Variants in FMN1 observed in about 807,000 individuals in gnomAD.
FMN1 encodes formin-1.
A neutral mutation model predicts 132.4 loss-of-function variants in FMN1; 110 were observed. That is an observed-to-expected ratio of 0.83 (90% CI 0.71 to 0.97). FMN1 has a LOEUF of 0.97. Among genes scored for constraint, FMN1 ranks in the 50% least tolerant of loss-of-function variants. FMN1 has a pLI of 0.00. For missense variants in FMN1, 1,792 were observed against 1,705.3 expected (o/e 1.05, Z -0.90); for synonymous variants, 722 against 651.7 (o/e 1.11, Z -1.64).
rs2140652021 is a variant in FMN1, at chr15:32,968,864, G to A, written c.2837C>T (p.Pro946Leu). ...PPNPGGPPPA[P>L]PPPGLAPPPP... ...TGGGGGTGCAAGTCCTGGGGGTGGT[G>A]GAGCAGGAGGAGGCCCTCCAGGGTT... is the stretch of plus-strand genomic sequence containing the variant. The change falls in exon 8 of 21, where the codon CCA becomes CTA. Residue 946 changes from proline to leucine, a missense_variant. By Grantham distance (98) the Pro-to-Leu change is moderately conservative (BLOSUM62 -3). Around this residue, in one of 3 missense-constraint regions of FMN1, gnomAD observed 1,150 missense variants for 1,043.1 expected, o/e 1.10. Transcript: ENST00000616417. 7.1e-7 allele frequency: 1 copy of A among 1,399,784 alleles called. No individual in the cohort carries two copies. The highest frequency in any genetic ancestry group is 1.4e-5 in the African/African-American group (1 of 69,036). The allele number at this position is 1,399,784 out of a possible 1,614,324, so 86.7% of individuals were successfully genotyped here. A position where few individuals can be genotyped will look rare whatever the true frequency, so the allele number is the denominator to read the frequency against.
Position 33,178,239 on chromosome 15 carries a change from A to C in FMN1, c.-132+1959T>G, listed in dbSNP as rs138564365. Reference sequence around the variant, plus strand: ...TTAGCTTAAATGAGACCCAGGACACAGTCACCGCTTCACTCCAGCACTTCC... The same window carrying C: ...TTAGCTTAAATGAGACCCAGGACACCGTCACCGCTTCACTCCAGCACTTCC... On this transcript the variant is annotated intron_variant, in intron 3 of 20. Coordinates refer to ENST00000616417, the MANE Select transcript of FMN1 (RefSeq NM_001277313.2). Among the ~76,000 whole-genome samples the C allele has an allele frequency of 1.4e-4, 21 of 152,354 alleles. No homozygotes were observed. In the East Asian group the frequency reaches 3.3e-3, roughly 24 times the overall value.
chr15:33,166,286 C>T (rs780239282), intron 3 of FMN1, among the ~76,000 whole-genome samples: 8 of 151,712 alleles, frequency 5.3e-5, no homozygotes, highest in South Asian at 4.2e-4. Flanking sequence ...CTGCTGTTTC[C>T]ACTACCCTAG....
At chr15:33,083,656 A>T (rs2038575973) in intron 5 of FMN1, among the ~76,000 whole-genome samples, 1 of 152,144 alleles carries the variant, frequency 6.6e-6, no homozygotes, top group East Asian at 1.9e-4. Context: ...CTTTGTAATA[A>T]ATTGGTAATG....
At chr15:32,930,424 T>G (rs1046889191) in intron 9 of FMN1, among the ~76,000 whole-genome samples, 5 of 152,004 alleles carry the variant, frequency 3.3e-5, no homozygotes, top group Admixed American at 6.6e-5. Flanking sequence ...TTTTTTTTTT[T>G]GACAGTGGCC....
rs574974495 is a variant in FMN1, at chr15:33,154,676, G to A, written c.239C>T (p.Thr80Met). The A allele has an allele frequency of 4.4e-5, 67 of 1,536,054 alleles. No homozygotes were observed. The East Asian group carries it at 7.8e-4, about 18-fold the overall frequency. ...PGDIFFKQTP[T>M]KDILTELYKL... ...GTACAGCTCAGTTAGAATGTCTTTC[G>A]TGGGAGTCTGCTTGAAAAATATGTC... Residue 80 changes from threonine (T) to methionine (M), a missense_variant, in exon 4 of 21, where the codon ACG becomes ATG. Coordinates refer to ENST00000616417, the MANE Select transcript of FMN1 (RefSeq NM_001277313.2).
chr15:32,912,735 G>A (rs1468492309), intron 10 of FMN1, among the ~76,000 whole-genome samples: 6 of 150,894 alleles, frequency 4.0e-5, no homozygotes, highest in Admixed American at 4.0e-4. Context: ...CACATTCAAG[G>A]TATAGAAAAA....
chr15:33,043,237 T>G (rs2036523416), intron 6 of FMN1, among the ~76,000 whole-genome samples: 2 of 152,320 alleles, frequency 1.3e-5, no homozygotes, highest in South Asian at 4.1e-4. Flanking sequence ...TAAAGCTGCC[T>G]CCTCCTTACG....
chr15:32,933,579 ATTGCTGTG>A (rs113179102), intron 9 of FMN1, among the ~76,000 whole-genome samples: 2,556 of 152,192 alleles, frequency 0.017, 80 homozygotes, highest in African/African-American at 0.059. Context: ...GAAATCTCCC[ATTGCTGTG>A]TTGCTGTGTA....
At chr15:33,002,133 T>C (rs1356911482) in intron 7 of FMN1, among the ~76,000 whole-genome samples, 1 of 152,228 alleles carries the variant, frequency 6.6e-6, no homozygotes, top group Non-Finnish European at 1.5e-5. Context: ...CAAAAAGACC[T>C]AAATGTGATA....
intron 10 of FMN1, among the ~76,000 whole-genome samples, chr15:32,925,062 A>G (rs2060924592): frequency 6.6e-6 from 1 of 152,252 alleles, no homozygotes; most frequent in African/African-American, 2.4e-5. Context: ...CTAATAAAAA[A>G]TATGTGCACA....
chr15:32,808,617 G>A (rs867848873), intron 17 of FMN1, among the ~76,000 whole-genome samples: 4 of 152,316 alleles, frequency 2.6e-5, no homozygotes, highest in Admixed American at 6.5e-5. Flanking sequence ...AGCCTTATCC[G>A]TAAAATGGGA....
intron 4 of FMN1, among the ~76,000 whole-genome samples, chr15:33,145,903 GT>G (rs1297078159): frequency 1.3e-5 from 2 of 151,602 alleles, no homozygotes; most frequent in Non-Finnish European, 2.9e-5. Flanking sequence ...AGACTTGAAC[GT>G]TTTAGAAAAA....
intron 3 of FMN1, among the ~76,000 whole-genome samples, chr15:33,165,094 G>A (rs1965043628): frequency 6.6e-6 from 1 of 152,180 alleles, no homozygotes; most frequent in Admixed American, 6.5e-5. Flanking sequence ...GTAGATAGGA[G>A]ATTCCTACTC....
At chr15:33,044,742 G>A (rs1424465545) in intron 6 of FMN1, among the ~76,000 whole-genome samples, 1 of 152,092 alleles carries the variant, frequency 6.6e-6, no homozygotes, top group Non-Finnish European at 1.5e-5. Flanking sequence ...ACACCCAAGG[G>A]TCTTCTCTCT....
At chr15:33,186,263 G>A (rs552847343) in intron 2 of FMN1, among the ~76,000 whole-genome samples, 1 of 151,506 alleles carries the variant, frequency 6.6e-6, no homozygotes, top group Admixed American at 6.6e-5. Context: ...TTCCAGAGCT[G>A]CAGTGAGTAT....
intron 17 of FMN1, among the ~76,000 whole-genome samples, chr15:32,811,520 CTTCA>C (rs758237912): frequency 6.0e-5 from 9 of 150,718 alleles, no homozygotes; most frequent in Non-Finnish European, 2.9e-5. Context: ...CTGAAGAGGT[CTTCA>C]GAGTCATAAA....
chr15:33,068,037 T>C (rs1229661303), intron 5 of FMN1: 1 of 1,435,700 alleles, frequency 7.0e-7, no homozygotes, highest in South Asian at 1.5e-5. Flanking sequence ...ACTTGGTCTC[T>C]TTCGGGTCAC....
chr15:32,781,126 G>A (rs2056649076), intron 19 of FMN1, among the ~76,000 whole-genome samples: 1 of 152,048 alleles, frequency 6.6e-6, no homozygotes, highest in Non-Finnish European at 1.5e-5. Flanking sequence ...TCTAGGTAGT[G>A]GGAATATGGG....
At chr15:32,926,648 A>G (rs749880204) in intron 9 of FMN1, among the ~76,000 whole-genome samples, 62 of 152,322 alleles carry the variant, frequency 4.1e-4, no homozygotes, top group Non-Finnish European at 8.1e-4. Context: ...ATAGCCTCCA[A>G]TCTTTTTAGT....
Sources: gnomAD v4.1 joint callset for allele counts (sites outside exome capture counted in the v4.1 genomes callset) on GRCh38, gnomAD v4.1.1 for gene constraint, gnomAD v4.1.1 regional missense constraint, MANE v1.5 for transcripts, NCBI Gene and HGNC (gene_info 2026-07-23, HGNC 2026-07-21) for gene names.